SLC51A: variants seen among roughly 807,000 people sequenced by gnomAD.
The protein encoded by SLC51A is solute carrier family 51 member A.
Under a neutral mutation model 34.8 loss-of-function variants are expected in SLC51A, and 22 were observed. That is an observed-to-expected ratio of 0.63 (90% CI 0.45 to 0.90). The LOEUF (loss-of-function observed/expected upper bound fraction) is 0.90, where lower values mean the gene tolerates loss of function less well. Among genes scored for constraint, SLC51A ranks in the 40% least tolerant of loss-of-function variants. SLC51A has a pLI of 0.00. For missense variants in SLC51A, 371 were observed against 414.8 expected (o/e 0.89, Z 0.92); for synonymous variants, 181 against 176.3 (o/e 1.03, Z -0.21).
At position 196,223,713 on chromosome 3, in the gene SLC51A, T is replaced by C. The variant is rs1723822968; in HGVS notation, c.134-3252T>C. On this transcript the variant is annotated intron_variant, in intron 2 of 8. Transcript: ENST00000296327. ...GAGTTTTTTTAATTAAACATTTCTA[T>C]TATAAAAATCATTCAGGTTTAGTTA... Among the ~76,000 whole-genome samples the C allele has an allele frequency of 2.1e-5, 3 of 143,118 alleles. No individual in the cohort carries two copies. In the Admixed American group the frequency reaches 2.2e-4, roughly 10 times the overall value. 93.9% of individuals were successfully genotyped at this position (143,118 alleles called of 152,430 possible).
intron 7 of SLC51A, 26 bp downstream of exon 7, chr3:196,230,087 A>T: frequency 6.3e-7 from 1 of 1,584,636 alleles, no homozygotes. Context: ...GAGAGAAAAG[A>T]TGTTTCATAA....
intron 1 of SLC51A, 24 bp from the exon 2 acceptor site, chr3:196,217,818 G>A (rs751967528): frequency 6.8e-6 from 11 of 1,608,586 alleles, no homozygotes; most frequent in Non-Finnish European, 9.3e-6. Flanking sequence ...CCATGGTTCT[G>A]AGCACAGGCT....
chr3:196,224,034 T>C (rs1723833656), intron 2 of SLC51A: 2 of 291,588 alleles, frequency 6.9e-6, no homozygotes, highest in Non-Finnish European at 1.3e-5. Context: ...AATTTTTGTA[T>C]TTTTGGTAGA....
intron 6 of SLC51A, among the ~76,000 whole-genome samples, chr3:196,229,591 G>C (rs1472331235): frequency 2.0e-5 from 3 of 151,152 alleles, no homozygotes; most frequent in Admixed American, 1.3e-4. Flanking sequence ...TGGTCAGGCT[G>C]GTCTTGAACA....
At position 196,227,650 on chromosome 3, in the gene SLC51A, C is replaced by A. The variant is rs776763511; in HGVS notation, c.289-14C>A. 5 of 1,613,244 alleles carry A rather than the reference C, an allele frequency of 3.1e-6. No homozygotes were observed. In the Admixed American group the frequency reaches 6.7e-5, roughly 22 times the overall value. On this transcript the variant is annotated splice_polypyrimidine_tract_variant and intron_variant, in intron 3 of 8. Transcript: ENST00000296327. ...TCCCTCCCGCCCTCACCTGCTCCTG[C>A]CCCTTCTGAGCAGGTGGTGTCTGTG... is the stretch of plus-strand genomic sequence containing the variant.
chr3:196,221,686 TTTTG>T (rs1278607524), intron 2 of SLC51A, among the ~76,000 whole-genome samples: 125 of 151,972 alleles, frequency 8.2e-4, no homozygotes, highest in African/African-American at 2.7e-3. Context: ...TTTACTTTGT[TTTTG>T]TTTGTTTGTT....
chr3:196,232,933 T>C, intron 8 of SLC51A, 130 bp from the exon 9 acceptor site: 1 of 928,050 alleles, frequency 1.1e-6, no homozygotes, highest in Non-Finnish European at 1.7e-6. Context: ...TATGACAATT[T>C]CGTATCCCTA....
chr3:196,227,976 G>A (rs951253900), intron 4 of SLC51A, 139 bp from the exon 5 acceptor site: 22 of 1,183,346 alleles, frequency 1.9e-5, no homozygotes, highest in African/African-American at 4.6e-5. Flanking sequence ...CCTGTGGGCC[G>A]TCTCCTCTCC....
In SLC51A at chr3:196,227,088, G is replaced by C. The variant is rs759853415; in HGVS notation, c.257G>C (p.Arg86Pro). The C allele has an allele frequency of 5.0e-6, 8 of 1,614,102 alleles. No homozygotes were observed. Among genetic ancestry groups the C allele is most frequent in the Non-Finnish European group, 6.8e-6 (8 of 1,180,028 alleles). The change falls in exon 3 of 9, where the codon CGG becomes CCG. Residue 86 changes from arginine (R) to proline (P), a missense_variant. Coordinates refer to ENST00000296327, the MANE Select transcript of SLC51A (RefSeq NM_152672.6). ...AACACCCTTTGCCCCATCAAGAGGCGGACTCTGCTCTGGAAGAGCTCGGCA... is the reference window on the plus strand; with the variant it reads ...AACACCCTTTGCCCCATCAAGAGGCCGACTCTGCTCTGGAAGAGCTCGGCA... ...YKNTLCPIKR[R>P]TLLWKSSAPT...
intron 2 of SLC51A, among the ~76,000 whole-genome samples, chr3:196,221,771 A>G (rs978936184): frequency 2.7e-5 from 4 of 150,246 alleles, no homozygotes; most frequent in African/African-American, 4.9e-5. Context: ...GCTGGAGTGC[A>G]GTGGTGTGAT....
At chr3:196,217,695 A>G in intron 1 of SLC51A, 147 bp from the exon 2 acceptor site, 1 of 594,496 alleles carries the variant, frequency 1.7e-6, no homozygotes, top group South Asian at 2.1e-5. Context: ...GAAAGGAAGG[A>G]AGGAAGGAAA....
At chr3:196,219,597 G>C (rs1428674568) in intron 2 of SLC51A, among the ~76,000 whole-genome samples, 1 of 152,200 alleles carries the variant, frequency 6.6e-6, no homozygotes, top group Non-Finnish European at 1.5e-5. Flanking sequence ...TCTGTGGTTA[G>C]TGGCAGTAGG....
intron 7 of SLC51A, among the ~76,000 whole-genome samples, chr3:196,231,550 T>C (rs533524342): frequency 6.2e-4 from 94 of 151,892 alleles, no homozygotes; most frequent in African/African-American, 2.2e-3. Flanking sequence ...ACATAGGAGG[T>C]AGAATGAAAG....
At chr3:196,231,093 T>C (rs553673773) in intron 7 of SLC51A, among the ~76,000 whole-genome samples, 126 of 152,352 alleles carry the variant, frequency 8.3e-4, no homozygotes, top group African/African-American at 2.9e-3. Context: ...CTACACCATG[T>C]GCCGGGCACT....
At chr3:196,227,589 G>A in intron 3 of SLC51A, 75 bp from the exon 4 acceptor site, 2 of 1,326,314 alleles carry the variant, frequency 1.5e-6, no homozygotes, top group Non-Finnish European at 2.2e-6. Context: ...TGCCTCCTGT[G>A]TCCTTGCCGC....
In SLC51A at chr3:196,228,525, G is replaced by A; in HGVS notation, c.521+252G>A. Reference sequence around the variant, plus strand: ...AGCCACACAGAGAAAACTGGACTTGGGGCCATTCGCTTGCCCCTTCTGCCC... The same window carrying A: ...AGCCACACAGAGAAAACTGGACTTGAGGCCATTCGCTTGCCCCTTCTGCCC... On this transcript the variant is annotated intron_variant, in intron 5 of 8. Coordinates refer to ENST00000296327, the MANE Select transcript of SLC51A (RefSeq NM_152672.6). This position sits in a 1 kb window ranked among gnomAD's most constrained non-coding sequence, Gnocchi z 4.9. 3.3e-6 allele frequency: 2 copies of A among 613,878 alleles called. No individual in the cohort carries two copies. The highest frequency in any genetic ancestry group is 5.7e-6 in the Non-Finnish European group (2 of 352,794). 38.0% of individuals were successfully genotyped at this position (613,878 alleles called of 1,614,324 possible).
At chr3:196,230,167 A>G (rs868185983) in intron 7 of SLC51A, 106 bp downstream of exon 7, 4 of 1,106,506 alleles carry the variant, frequency 3.6e-6, no homozygotes, top group African/African-American at 3.2e-5. Context: ...AATCTTTTTC[A>G]TAAGCCTCAC....
chr3:196,230,749 A>G (rs1040450356), intron 7 of SLC51A, among the ~76,000 whole-genome samples: 2 of 152,010 alleles, frequency 1.3e-5, no homozygotes, highest in African/African-American at 4.8e-5. Context: ...CTCCCAAAGT[A>G]TTGGGATTAT....
intron 2 of SLC51A, among the ~76,000 whole-genome samples, chr3:196,220,208 C>G (rs59792018): frequency 0.012 from 1,780 of 152,286 alleles, 32 homozygotes; most frequent in African/African-American, 0.041. Context: ...AGAAGGAGCT[C>G]GTGAAGGCTC....
Sources: gnomAD v4.1 joint callset for allele counts (sites outside exome capture counted in the v4.1 genomes callset) on GRCh38, gnomAD v4.1.1 for gene constraint, Gnocchi (gnomAD v3.1) non-coding constraint, MANE v1.5 for transcripts, NCBI Gene and HGNC (gene_info 2026-07-23, HGNC 2026-07-21) for gene names.